The following UROC1 variants were observed in gnomAD, a reference collection of about 807,000 sequenced individuals.
The protein encoded by UROC1 is urocanate hydratase.
Under a neutral mutation model 89.5 loss-of-function variants are expected in UROC1, and 79 were observed. The observed-to-expected ratio is 0.88, with a 90% CI of 0.74 to 1.06. The LOEUF is 1.06. UROC1 is among the 50% of genes least tolerant of loss of function. UROC1 has a pLI of 0.00. For synonymous variants in UROC1, 361 were observed against 354.8 expected, an observed-to-expected ratio of 1.02 and a Z score of -0.20; for missense variants, 885 against 907.8, an observed-to-expected ratio of 0.97 and a Z score of 0.32.
intron 9 of UROC1, among the ~76,000 whole-genome samples, chr3:126,502,726 GTGTC>G (rs2107544624): frequency 6.7e-6 from 1 of 148,972 alleles, no homozygotes; most frequent in Admixed American, 6.7e-5. Context: ...TGTGTGTTAT[GTGTC>G]TGTTTATGTG....
chr3:126,514,611 C>A (rs1034010916), intron 1 of UROC1, among the ~76,000 whole-genome samples: 2 of 151,978 alleles, frequency 1.3e-5, no homozygotes, highest in African/African-American at 4.8e-5. Context: ...TCTAAATGCA[C>A]CACGAAGGAA....
At chr3:126,502,818 C>G (rs1576724114) in intron 9 of UROC1, among the ~76,000 whole-genome samples, 1 of 143,312 alleles carries the variant, frequency 7.0e-6, no homozygotes, top group Non-Finnish European at 1.5e-5. Flanking sequence ...TGTATGTGTG[C>G]TTATGTGTGT....
At chr3:126,500,032 C>T (rs769901814) in intron 12 of UROC1, 25 bp downstream of exon 12, 2 of 1,606,340 alleles carry the variant, frequency 1.2e-6, no homozygotes, top group Non-Finnish European at 1.7e-6. Flanking sequence ...GCCCCTCCCT[C>T]CTCCTCCCTC....
chr3:126,499,352 A>T lies in UROC1; in HGVS notation c.1301T>A (p.Val434Glu), dbSNP rs1935855352. 2 of 1,611,670 alleles carry T rather than the reference A, an allele frequency of 1.2e-6. No individual in the cohort carries two copies. The highest frequency in any genetic ancestry group is 3.3e-4 in the Middle Eastern group (2 of 6,060). The change falls in exon 13 of 20, where the codon GTG (valine) becomes GAG (glutamate). Residue 434 changes from valine to glutamate, a missense_variant. By Grantham distance (121) the Val-to-Glu change is moderately radical. Transcript: ENST00000290868. ...GRTEFRYPSY[V>E]QHIMGDIFSQ... is the part of the protein sequence containing the mutation. ...CATCACTCACCCCATGATGTGCTGCACATAGGAAGGGTAGCGGAACTCTGT... is the reference window on the plus strand; with the variant it reads ...CATCACTCACCCCATGATGTGCTGCTCATAGGAAGGGTAGCGGAACTCTGT...
intron 1 of UROC1, among the ~76,000 whole-genome samples, chr3:126,517,241 G>A (rs1936349284): frequency 6.6e-6 from 1 of 152,218 alleles, no homozygotes; most frequent in South Asian, 2.1e-4. Context: ...GCTGACCTGT[G>A]TGCAAACGTT....
At chr3:126,509,520 G>C in intron 3 of UROC1, 65 bp downstream of exon 3, 1 of 1,361,530 alleles carries the variant, frequency 7.3e-7, no homozygotes, top group Non-Finnish European at 1.0e-6. Context: ...TTAAAAGCAT[G>C]ACACGTGTGT....
intron 13 of UROC1, among the ~76,000 whole-genome samples, chr3:126,498,920 G>A (rs1019160823): frequency 6.6e-6 from 1 of 152,080 alleles, no homozygotes; most frequent in Non-Finnish European, 1.5e-5. Flanking sequence ...TGGGCTGCTG[G>A]CCTTCCCTAG....
At chr3:126,497,432 C>T (rs1935803537) in intron 14 of UROC1, among the ~76,000 whole-genome samples, 1 of 152,242 alleles carries the variant, frequency 6.6e-6, no homozygotes, top group African/African-American at 2.4e-5. Flanking sequence ...AACCCTCTGG[C>T]AGAACCAACA....
intron 1 of UROC1, among the ~76,000 whole-genome samples, chr3:126,512,066 T>G (rs532905607): frequency 7.9e-5 from 12 of 152,324 alleles, no homozygotes; most frequent in Non-Finnish European, 1.8e-4. Flanking sequence ...TTCTTTTAAG[T>G]GGGGAAGAAA....
At chr3:126,482,633 C>T (rs1935416402) in intron 19 of UROC1, 148 bp from the exon 20 acceptor site, 1 of 1,223,916 alleles carries the variant, frequency 8.2e-7, no homozygotes, top group Non-Finnish European at 1.2e-6. Flanking sequence ...CCCATTTCCA[C>T]CCCCAGCTTA....
intron 8 of UROC1, 26 bp downstream of exon 8, chr3:126,505,675 C>T (rs771983938): frequency 2.2e-5 from 35 of 1,611,548 alleles, no homozygotes; most frequent in Middle Eastern, 1.6e-4. Context: ...CAGGCAGGAG[C>T]GAAGGCCAGG....
In UROC1 at chr3:126,505,805, C is replaced by CGAT. The variant is rs757772375; in HGVS notation, c.706_708dup (p.Ile236dup). On this transcript the variant is annotated inframe_insertion, in exon 8 of 20. Coordinates refer to ENST00000290868, the MANE Select transcript of UROC1 (RefSeq NM_144639.3). ...ACAAAGACCTTCCCAGCCAAGTCCT[C>CGAT]GATGCCCAGGTACCGACGTGCAGCA... The CGAT allele has an allele frequency of 8.1e-6, 13 of 1,613,918 alleles. No individual in the cohort carries two copies. In the East Asian group the frequency reaches 2.2e-4, roughly 28 times the overall value.
At chr3:126,511,183 T>C (rs74848388) in intron 1 of UROC1, among the ~76,000 whole-genome samples, 4,145 of 152,260 alleles carry the variant, frequency 0.027, 80 homozygotes, top group South Asian at 0.046. Flanking sequence ...TTAAGTACCC[T>C]GTGCAAGTGC....
chr3:126,484,670 T>A (rs1280852635), intron 18 of UROC1, among the ~76,000 whole-genome samples: 1 of 152,114 alleles, frequency 6.6e-6, no homozygotes, highest in Non-Finnish European at 1.5e-5. Flanking sequence ...CCATTCCTGG[T>A]CCCAGAAGCT....
At position 126,517,716 on chromosome 3, in the gene UROC1, A is replaced by T; in HGVS notation, c.4T>A (p.Ser2Thr). Residue 2 changes from serine (S) to threonine (T), a missense_variant, in exon 1 of 20, where the codon TCT (serine) becomes ACT (threonine). By Grantham distance (58) the Ser-to-Thr change is moderately conservative. Transcript: ENST00000290868. ...CCAGAGCACAGCGCCTGGAGGCTAG[A>T]CATGTGTGACTGAGATGGAGGCAGA... MSSLQALCSGLP... is the reference protein window; with the variant it reads MTSLQALCSGLP... 1 of 1,574,106 alleles carries T rather than the reference A, an allele frequency of 6.4e-7. No homozygotes were observed. Among genetic ancestry groups the T allele is most frequent in the African/African-American group, 1.4e-5 (1 of 74,048 alleles).
chr3:126,499,864 G>T (rs546607103), intron 12 of UROC1, among the ~76,000 whole-genome samples, 193 bp downstream of exon 12: 1 of 152,328 alleles, frequency 6.6e-6, no homozygotes, highest in South Asian at 2.1e-4. Context: ...AGAAACTGAG[G>T]CCCAGAGAGG....
chr3:126,508,496 T>A (rs1936121713), intron 3 of UROC1, 21 bp from the exon 4 acceptor site: 1 of 1,609,416 alleles, frequency 6.2e-7, no homozygotes, highest in Non-Finnish European at 8.5e-7. Flanking sequence ...CACGGGGTCA[T>A]CTGAGATGAG....
chr3:126,502,376 A>C (rs1308314090), intron 9 of UROC1, among the ~76,000 whole-genome samples: 1 of 149,228 alleles, frequency 6.7e-6, no homozygotes, highest in Non-Finnish European at 1.5e-5. Flanking sequence ...GTTTGTGTAC[A>C]TGTGTTTACA....
chr3:126,502,755 TTGTG>T (rs36233961), intron 9 of UROC1, among the ~76,000 whole-genome samples: 82,372 of 150,900 alleles, frequency 0.55, 22,527 homozygotes, highest in South Asian at 0.61. Context: ...CATGTGTATG[TTGTG>T]TGTGTTTGTG....
Sources: gnomAD v4.1 joint callset for allele counts (sites outside exome capture counted in the v4.1 genomes callset) on GRCh38, gnomAD v4.1.1 for gene constraint, MANE v1.5 for transcripts, NCBI Gene and HGNC (gene_info 2026-07-23, HGNC 2026-07-21) for gene names.